The following MGARP variants were observed in gnomAD, a reference collection of about 807,000 sequenced individuals.
The protein encoded by MGARP is protein MGARP.
Under a neutral mutation model 11.0 loss-of-function variants are expected in MGARP, and 12 were observed. That is an observed-to-expected ratio of 1.09 (90% confidence interval 0.70 to 1.77). MGARP has a LOEUF of 1.77. Ranked by LOEUF, MGARP falls within the 40% of genes most tolerant of loss-of-function variation. MGARP has a pLI of 0.00. For synonymous variants in MGARP, 110 were observed against 115.4 expected, an observed-to-expected ratio of 0.95 and a Z score of 0.30; for missense variants, 283 against 297.8, an observed-to-expected ratio of 0.95 and a Z score of 0.36.
Position 139,266,216 on chromosome 4 carries a change from A to G in MGARP, c.*383T>C, listed in dbSNP as rs1024559487. On this transcript the variant is annotated 3_prime_UTR_variant, in exon 4 of 4. Coordinates refer to ENST00000398955, the MANE Select transcript of MGARP (RefSeq NM_032623.4). Reference sequence around the variant, plus strand: ...ACTATATTTTAGACCTACATATCATACAATAAAGTAAGCTGAAAGCATAGT... The same window carrying G: ...ACTATATTTTAGACCTACATATCATGCAATAAAGTAAGCTGAAAGCATAGT... 1 of 169,602 alleles carries G rather than the reference A, an allele frequency of 5.9e-6. No homozygotes were observed. Among genetic ancestry groups the G allele is most frequent in the Admixed American group, 5.6e-5 (1 of 17,838 alleles). The allele number at this position is 169,602 out of a possible 1,614,324, so 10.5% of individuals were successfully genotyped here. A position where few individuals can be genotyped will look rare whatever the true frequency, so the allele number is the denominator to read the frequency against.
intron 2 of MGARP, among the ~76,000 whole-genome samples, chr4:139,273,549 C>G (rs1175131735): frequency 7.3e-6 from 1 of 136,864 alleles, no homozygotes; most frequent in African/African-American, 2.7e-5. Context: ...GAGTCTGGCT[C>G]TCTCACCCAG....
intron 2 of MGARP, among the ~76,000 whole-genome samples, chr4:139,271,819 G>A (rs1744785720): frequency 1.3e-5 from 2 of 152,134 alleles, no homozygotes; most frequent in Non-Finnish European, 2.9e-5. Flanking sequence ...GAAATGGAAG[G>A]GAACAACTTC....
At position 139,267,187 on chromosome 4, in the gene MGARP, A is replaced by G. The variant is rs572994846; in HGVS notation, c.281-146T>C. The G allele has an allele frequency of 3.6e-5, 29 of 811,050 alleles. 1 individual carries two copies. The East Asian group carries it at 6.4e-4, about 18-fold the overall frequency. 50.2% of individuals were successfully genotyped at this position (811,050 alleles called of 1,614,324 possible). A position where few individuals can be genotyped will look rare whatever the true frequency, so the allele number is the denominator to read the frequency against. On this transcript the variant is annotated intron_variant, in intron 3 of 3. Transcript: ENST00000398955. ...GGTAGACTCTCAAGTGAAACAGCAA[A>G]AAAAGAACAATGTATACAGTCTGCT...
intron 3 of MGARP, among the ~76,000 whole-genome samples, chr4:139,267,575 G>C (rs1459810255): frequency 6.6e-6 from 1 of 152,068 alleles, no homozygotes; most frequent in African/African-American, 2.4e-5. Context: ...CTACTGCACA[G>C]GGTTATTGTA....
At chr4:139,271,851 A>G (rs1744786251) in intron 2 of MGARP, among the ~76,000 whole-genome samples, 1 of 152,214 alleles carries the variant, frequency 6.6e-6, no homozygotes, top group Admixed American at 6.5e-5. Flanking sequence ...TGAGAGAACA[A>G]GGCCAGAAAG....
At chr4:139,274,103 A>C (rs1449907371) in intron 2 of MGARP, among the ~76,000 whole-genome samples, 1 of 152,206 alleles carries the variant, frequency 6.6e-6, no homozygotes, top group Non-Finnish European at 1.5e-5. Flanking sequence ...AAACTAACAA[A>C]AATTATGGAG....
chr4:139,275,328 A>G lies in MGARP; in HGVS notation c.147T>C (p.Tyr49=). 1.2e-6 allele frequency: 2 copies of G among 1,614,098 alleles called. No individual in the cohort carries two copies. Among genetic ancestry groups the G allele is most frequent in the Non-Finnish European group, 1.7e-6 (2 of 1,179,962 alleles). ...CACTGACTGTGACGCCTACAACCAG[A>G]TAATAAATCATATTTGATCCAGATG... ...PGSSGSNMIY[Y]LVVGVTVSAG... The change falls in exon 2 of 4, where the codon TAT becomes TAC. Residue 49 remains tyrosine (Y), a synonymous_variant. Coordinates refer to ENST00000398955, the MANE Select transcript of MGARP (RefSeq NM_032623.4).
At position 139,266,981 on chromosome 4, in the gene MGARP, A is replaced by G. The variant is rs1744708647; in HGVS notation, c.341T>C (p.Ile114Thr). ...KASSEAPEEL[I>T]VEAEVVDAEE... ...AGCATCTACCACCTCAGCTTCCACT[A>G]TAAGTTCTTCTGGGGCTTCTGAACT... The change falls in exon 4 of 4, where the codon ATA becomes ACA. Residue 114 changes from isoleucine to threonine, a missense_variant. Transcript: ENST00000398955. 5 of 1,614,226 alleles carry G rather than the reference A, an allele frequency of 3.1e-6. No homozygotes were observed. In the East Asian group the frequency reaches 6.7e-5, roughly 22 times the overall value.
At chr4:139,277,882 T>C (rs1744895560) in intron 1 of MGARP, among the ~76,000 whole-genome samples, 1 of 152,212 alleles carries the variant, frequency 6.6e-6, no homozygotes, top group African/African-American at 2.4e-5. Flanking sequence ...TTATTTTACC[T>C]GTTTTTCCCC....
At chr4:139,272,561 CAA>C (rs35412789) in intron 2 of MGARP, among the ~76,000 whole-genome samples, 30,083 of 109,118 alleles carry the variant, frequency 0.28, 3,449 homozygotes, top group Non-Finnish European at 0.31. Flanking sequence ...TGTCCCCTCC[CAA>C]AAAAAAAAAA....
At chr4:139,274,495 T>A (rs532174486) in intron 2 of MGARP, among the ~76,000 whole-genome samples, 70 of 152,216 alleles carry the variant, frequency 4.6e-4, no homozygotes, top group African/African-American at 1.5e-3. Context: ...TTTTTAAATT[T>A]TTTTTGGAAA....
At chr4:139,275,034 G>A (rs1276809060) in intron 2 of MGARP, among the ~76,000 whole-genome samples, 4 of 151,976 alleles carry the variant, frequency 2.6e-5, no homozygotes, top group Non-Finnish European at 4.4e-5. Flanking sequence ...GCTGAGGTTC[G>A]AATGAAATAA....
chr4:139,280,119 G>T lies in MGARP; in HGVS notation c.40C>A (p.Pro14Thr), dbSNP rs750626772. The T allele has an allele frequency of 1.2e-6, 2 of 1,611,960 alleles. No homozygotes were observed. Among genetic ancestry groups the T allele is most frequent in the Admixed American group, 3.3e-5 (2 of 60,000 alleles). ...RRAVSKTLAL[P>T]LRAPPNPAPL... ...GCGGGGTTGGGGGGCGCCCTCAGCG[G>T]CAGCGCCAGAGTCTTGGAGACCGCC... The change falls in exon 1 of 4, where the codon CCG becomes ACG. Residue 14 changes from proline to threonine, a missense_variant. Physicochemically the swap from Pro to Thr is conservative, Grantham distance 38. Transcript: ENST00000398955.
chr4:139,272,041 C>T (rs1189187426), intron 2 of MGARP, among the ~76,000 whole-genome samples: 1 of 150,030 alleles, frequency 6.7e-6, no homozygotes, highest in Non-Finnish European at 1.5e-5. Context: ...TATCACATGG[C>T]CTAGTCTCAA....
chr4:139,274,338 C>T (rs2110732657), intron 2 of MGARP, among the ~76,000 whole-genome samples: 1 of 151,904 alleles, frequency 6.6e-6, no homozygotes, highest in Admixed American at 6.6e-5. Context: ...AACAAATGTT[C>T]CACATCAGTG....
rs1222687748 is a variant in MGARP at position 139,266,335 on chromosome 4, GA to G, written c.*263del. On this transcript the variant is annotated 3_prime_UTR_variant, in exon 4 of 4. Transcript: ENST00000398955. ...GACTGGGATAAAAGAAAAGTGTCTAGAAAAAAAAACCAAAGATGAAACTATT... is the reference window on the plus strand; with the variant it reads ...GACTGGGATAAAAGAAAAGTGTCTAGAAAAAAAACCAAAGATGAAACTATT... The G allele has an allele frequency of 5.3e-5, 18 of 337,942 alleles. No homozygotes were observed. Among genetic ancestry groups the G allele is most frequent in the East Asian group, 1.5e-4 (3 of 19,640 alleles). 20.9% of individuals were successfully genotyped at this position (337,942 alleles called of 1,614,324 possible). A position where few individuals can be genotyped will look rare whatever the true frequency, so the allele number is the denominator to read the frequency against.
chr4:139,271,076 C>T lies in MGARP; in HGVS notation c.187-2311G>A, dbSNP rs1237015758. 2.6e-5 allele frequency among the ~76,000 whole-genome samples: 4 copies of T among 152,310 alleles called. No homozygotes were observed. In the East Asian group the frequency reaches 7.7e-4, roughly 29 times the overall value. On this transcript the variant is annotated intron_variant, in intron 2 of 3. Transcript: ENST00000398955. ...GAATCTAGGTTTTCCAAATCCAGCA[C>T]AGTCGAGCACAGAGTAGAATAAAGG...
rs566888739 is a variant in MGARP at position 139,276,513 on chromosome 4, T to C, written c.83-1121A>G. Among the ~76,000 whole-genome samples, 3 of 152,268 alleles carry C rather than the reference T, an allele frequency of 2.0e-5. No homozygotes were observed. In the South Asian group the frequency reaches 6.2e-4, roughly 32 times the overall value. On this transcript the variant is annotated intron_variant, in intron 1 of 3. Coordinates refer to ENST00000398955, the MANE Select transcript of MGARP (RefSeq NM_032623.4). ...AACGTATAAAAGCATGAGAGATTCGTGACCCAGAAGGTACAAAGTACAGGA... is the reference window on the plus strand; with the variant it reads ...AACGTATAAAAGCATGAGAGATTCGCGACCCAGAAGGTACAAAGTACAGGA...
rs1744708801 is a variant in MGARP, at chr4:139,266,990, T to C, written c.332A>G (p.Glu111Gly). 2.2e-5 allele frequency: 35 copies of C among 1,614,182 alleles called. No homozygotes were observed. The highest frequency in any genetic ancestry group is 2.8e-5 in the Non-Finnish European group (33 of 1,180,020). The change falls in exon 4 of 4, where the codon GAA becomes GGA. Residue 111 changes from glutamate to glycine, a missense_variant. Physicochemically the swap from Glu to Gly is moderately conservative, Grantham distance 98. Transcript: ENST00000398955. The part of the protein sequence containing the change: ...ETEKASSEAP[E>G]ELIVEAEVVD... ...CACCTCAGCTTCCACTATAAGTTCT[T>C]CTGGGGCTTCTGAACTTGCTTTCTC...
Sources: allele counts gnomAD v4.1 joint callset (sites outside exome capture counted in the v4.1 genomes callset), GRCh38; gene constraint gnomAD v4.1.1; transcripts MANE v1.5; gene names NCBI Gene and HGNC (gene_info 2026-07-23, HGNC 2026-07-21).